Variants in PTPRG observed in about 807,000 individuals in gnomAD.
PTPRG encodes the protein protein tyrosine phosphatase receptor type G.
Under a neutral mutation model 165.3 loss-of-function variants are expected in PTPRG, and 102 were observed. That is an observed-to-expected ratio of 0.62 (90% CI 0.53 to 0.73). The LOEUF (loss-of-function observed/expected upper bound fraction) is 0.73, where lower values mean the gene tolerates loss of function less well. PTPRG is among the 30% of genes least tolerant of loss of function. PTPRG has a pLI of 0.00. For synonymous variants in PTPRG, 675 were observed against 669.5 expected, an observed-to-expected ratio of 1.01 and a Z score of -0.13; for missense variants, 1,866 against 1,861.4, an observed-to-expected ratio of 1.00 and a Z score of -0.05.
At chr3:61,697,519 C>T (rs565413796) in intron 1 of PTPRG, among the ~76,000 whole-genome samples, 2 of 152,200 alleles carry the variant, frequency 1.3e-5, no homozygotes, top group Non-Finnish European at 2.9e-5. Context: ...AAAGTAGTCA[C>T]CATGCCCAGA....
At chr3:62,172,550 C>T (rs1576093631) in intron 8 of PTPRG, among the ~76,000 whole-genome samples, 1 of 151,650 alleles carries the variant, frequency 6.6e-6, no homozygotes, top group East Asian at 1.9e-4. Context: ...CCACAGCCCA[C>T]ATGACCAAAT....
At chr3:61,652,045 T>G (rs888630943) in intron 1 of PTPRG, among the ~76,000 whole-genome samples, 6 of 149,814 alleles carry the variant, frequency 4.0e-5, no homozygotes, top group African/African-American at 1.2e-4. Context: ...CGCAGTAGCT[T>G]ATGCCTGTAA....
chr3:61,887,429 C>T (rs956008291), intron 2 of PTPRG, among the ~76,000 whole-genome samples: 10 of 151,974 alleles, frequency 6.6e-5, no homozygotes, highest in Non-Finnish European at 4.4e-5. Flanking sequence ...AGAGATTTCC[C>T]AGTGTACTGT....
At chr3:61,563,855 G>A (rs1343095261) in intron 1 of PTPRG, among the ~76,000 whole-genome samples, 1 of 152,172 alleles carries the variant, frequency 6.6e-6, no homozygotes, top group African/African-American at 2.4e-5. Flanking sequence ...TTGCAGAATC[G>A]GGGATGGCCT....
chr3:61,675,210 C>T (rs1703180691), intron 1 of PTPRG, among the ~76,000 whole-genome samples: 1 of 152,032 alleles, frequency 6.6e-6, no homozygotes, highest in South Asian at 2.1e-4. Context: ...CTAATTTTTT[C>T]CCCTTAATGA....
chr3:62,149,054 G>T (rs957512494), intron 6 of PTPRG, among the ~76,000 whole-genome samples: 2 of 152,144 alleles, frequency 1.3e-5, no homozygotes. Context: ...TCTTGTGCCT[G>T]TTCCTTAAAA....
chr3:61,994,887 C>G (rs917234098), intron 3 of PTPRG, among the ~76,000 whole-genome samples: 2 of 152,048 alleles, frequency 1.3e-5, no homozygotes, highest in Non-Finnish European at 2.9e-5. Context: ...CAAGGTCAAG[C>G]AAGTATCTGG....
intron 2 of PTPRG, among the ~76,000 whole-genome samples, chr3:61,927,020 C>T (rs1204450374): frequency 1.3e-5 from 2 of 152,128 alleles, no homozygotes; most frequent in Non-Finnish European, 2.9e-5. Context: ...CATTTGCCAT[C>T]GTTCATGATG....
At chr3:62,154,399 G>A (rs567735054) in intron 6 of PTPRG, among the ~76,000 whole-genome samples, 3 of 152,174 alleles carry the variant, frequency 2.0e-5, no homozygotes, top group East Asian at 1.9e-4. Flanking sequence ...ACCAGAGCTT[G>A]CCTCTGAAGC....
At chr3:62,230,639 A>G (rs986125077) in intron 13 of PTPRG, among the ~76,000 whole-genome samples, 1 of 152,362 alleles carries the variant, frequency 6.6e-6, no homozygotes, top group African/African-American at 2.4e-5. Flanking sequence ...CTTAATATAT[A>G]GTAATAACTT....
chr3:62,186,096 G>A (rs1310413278), intron 8 of PTPRG, among the ~76,000 whole-genome samples: 1 of 152,198 alleles, frequency 6.6e-6, no homozygotes, highest in Non-Finnish European at 1.5e-5. Flanking sequence ...GCTTGCCTGA[G>A]TTATTTGACG....
chr3:61,970,483 T>C (rs1559720240), intron 2 of PTPRG, among the ~76,000 whole-genome samples: 1 of 152,232 alleles, frequency 6.6e-6, no homozygotes, highest in Non-Finnish European at 1.5e-5. Context: ...ATCTGCAAAT[T>C]ATAAGTAATA....
Position 62,003,389 on chromosome 3 carries a change from T to C in PTPRG, c.411T>C (p.Ala137=). The C allele has an allele frequency of 6.2e-7, 1 of 1,614,086 alleles. No individual in the cohort carries two copies. The highest frequency in any genetic ancestry group is 8.5e-7 in the Non-Finnish European group (1 of 1,179,932). Reference sequence around the variant, plus strand: ...AAGACGACTATTTTGTCAGTGGAGCTGGTCTACCTGGCAGATTCAAAGCTG... The same window carrying C: ...AAGACGACTATTTTGTCAGTGGAGCCGGTCTACCTGGCAGATTCAAAGCTG... ...LLKDDYFVSG[A]GLPGRFKAEK... is the part of the protein sequence containing the mutation. Residue 137 remains alanine, a synonymous_variant, in exon 4 of 30, where the codon GCT becomes GCC. Coordinates refer to ENST00000474889, the MANE Select transcript of PTPRG (RefSeq NM_002841.4).
chr3:62,204,983 A>C (rs955061636), intron 12 of PTPRG, among the ~76,000 whole-genome samples: 4 of 151,928 alleles, frequency 2.6e-5, no homozygotes, highest in African/African-American at 9.7e-5. Context: ...TTTGCGTCTA[A>C]GCTGTTGTGG....
At chr3:61,624,564 G>T (rs1387693536) in intron 1 of PTPRG, among the ~76,000 whole-genome samples, 1 of 152,196 alleles carries the variant, frequency 6.6e-6, no homozygotes, top group Non-Finnish European at 1.5e-5. Flanking sequence ...TATCTTTGGG[G>T]TGCTGAGTTC....
rs541345696 is a variant in PTPRG, at chr3:61,732,746, A to C, written c.86-16132A>C. Among the ~76,000 whole-genome samples the C allele has an allele frequency of 2.7e-5, 4 of 150,374 alleles. No individual in the cohort carries two copies. The South Asian group carries it at 6.4e-4, about 24-fold the overall frequency. ...TAAATAAATAAATAAATAAATAAAT[A>C]AATAAATAAATAAATCTTGCATTAG... On this transcript the variant is annotated intron_variant, in intron 1 of 29. Transcript: ENST00000474889.
chr3:62,277,181 TG>T, intron 25 of PTPRG, 133 bp downstream of exon 25: 1 of 733,834 alleles, frequency 1.4e-6, no homozygotes, highest in Non-Finnish European at 2.2e-6. Flanking sequence ...TAGAGATTTC[TG>T]TATCTTGAAA....
intron 2 of PTPRG, among the ~76,000 whole-genome samples, chr3:61,926,218 C>G (rs1036417125): frequency 1.3e-5 from 2 of 152,030 alleles, no homozygotes; most frequent in African/African-American, 2.4e-5. Flanking sequence ...GTGTCTCCCC[C>G]CAGATCTCAT....
intron 4 of PTPRG, among the ~76,000 whole-genome samples, chr3:62,050,438 A>AG (rs1341243908): frequency 6.6e-6 from 1 of 152,214 alleles, no homozygotes; most frequent in Admixed American, 6.5e-5. Context: ...GGTTTATGTA[A>AG]GTACACTCTG....
Sources: gnomAD v4.1 joint callset for allele counts (sites outside exome capture counted in the v4.1 genomes callset) on GRCh38, gnomAD v4.1.1 for gene constraint, MANE v1.5 for transcripts, NCBI Gene and HGNC (gene_info 2026-07-23, HGNC 2026-07-21) for gene names.